Variants in TTC39B observed in about 807,000 individuals in gnomAD.
TTC39B encodes the protein tetratricopeptide repeat protein 39B.
A neutral mutation model predicts 96.6 loss-of-function variants in TTC39B; 92 were observed. The observed-to-expected ratio is 0.95, with a 90% CI of 0.80 to 1.13. TTC39B has a LOEUF of 1.13. Ranked by LOEUF, TTC39B falls within the 50% of genes most tolerant of loss-of-function variation. TTC39B has a pLI of 0.00. For synonymous variants in TTC39B, 367 were observed against 299.4 expected (o/e 1.23, Z -2.33); for missense variants, 955 against 809.3 (o/e 1.18, Z -2.18).
chr9:15,280,970 C>T (rs1470555247), intron 1 of TTC39B, among the ~76,000 whole-genome samples: 1 of 152,100 alleles, frequency 6.6e-6, no homozygotes, highest in Non-Finnish European at 1.5e-5. Context: ...GAAAACAATG[C>T]AATTATCCCA....
intron 1 of TTC39B, among the ~76,000 whole-genome samples, chr9:15,285,758 G>C (rs530808416): frequency 2.0e-5 from 3 of 152,134 alleles, no homozygotes; most frequent in African/African-American, 7.2e-5. Context: ...AGGAGGCTGA[G>C]GCAGGAGAAT....
chr9:15,217,282 A>T (rs1403042677), intron 3 of TTC39B, among the ~76,000 whole-genome samples: 1 of 152,156 alleles, frequency 6.6e-6, no homozygotes, highest in Non-Finnish European at 1.5e-5. Context: ...AATTCTCGCT[A>T]AGGTTACACC....
intron 2 of TTC39B, among the ~76,000 whole-genome samples, chr9:15,263,356 G>T (rs1586976051): frequency 6.6e-6 from 1 of 152,134 alleles, no homozygotes; most frequent in Non-Finnish European, 1.5e-5. Flanking sequence ...TATGAGAGGA[G>T]AAAACAAGCT....
At chr9:15,243,539 T>G (rs1822140140) in intron 2 of TTC39B, among the ~76,000 whole-genome samples, 1 of 152,302 alleles carries the variant, frequency 6.6e-6, no homozygotes, top group Middle Eastern at 3.4e-3. Flanking sequence ...AAAAAGCACT[T>G]TCGTAAGAAC....
chr9:15,192,477 T>C, intron 9 of TTC39B, 113 bp downstream of exon 9: 1 of 771,156 alleles, frequency 1.3e-6, no homozygotes. Context: ...TCTAGCTGTT[T>C]GTCAACCAAC....
At chr9:15,181,206 A>G (rs1168759131) in intron 17 of TTC39B, among the ~76,000 whole-genome samples, 1 of 152,196 alleles carries the variant, frequency 6.6e-6, no homozygotes, top group Non-Finnish European at 1.5e-5. Flanking sequence ...GTTAACAAAA[A>G]TGAGTTAACT....
intron 2 of TTC39B, among the ~76,000 whole-genome samples, chr9:15,254,242 G>A (rs945571110): frequency 6.6e-6 from 1 of 151,086 alleles, no homozygotes; most frequent in East Asian, 1.9e-4. Context: ...TCTCAGAACT[G>A]GGAAATGACC....
chr9:15,296,471 G>A (rs1049573872), intron 1 of TTC39B, among the ~76,000 whole-genome samples: 53 of 152,288 alleles, frequency 3.5e-4, no homozygotes, highest in African/African-American at 1.3e-3. Flanking sequence ...ACAGAAGGGT[G>A]CATGTGTGTC....
At chr9:15,233,922 C>T (rs1586929703) in intron 2 of TTC39B, among the ~76,000 whole-genome samples, 2 of 151,746 alleles carry the variant, frequency 1.3e-5, no homozygotes, top group South Asian at 4.2e-4. Context: ...AGCGCCTCTT[C>T]CCCGCCGCCA....
intron 18 of TTC39B, among the ~76,000 whole-genome samples, chr9:15,175,395 G>A (rs1360152750): frequency 6.6e-6 from 1 of 152,008 alleles, no homozygotes; most frequent in Non-Finnish European, 1.5e-5. Context: ...AGCGCATACG[G>A]ATCTTTAAAG....
At chr9:15,214,356 GTGTGTC>G (rs1161745874) in intron 3 of TTC39B, 107 bp from the exon 4 acceptor site, 378 of 727,558 alleles carry the variant, frequency 5.2e-4, no homozygotes, top group East Asian at 1.6e-3. Context: ...GTCTGTGTGT[GTGTGTC>G]TGTGTGTGTG....
At chr9:15,176,947 G>A (rs1817972856) in intron 18 of TTC39B, among the ~76,000 whole-genome samples, 1 of 152,142 alleles carries the variant, frequency 6.6e-6, no homozygotes, top group South Asian at 2.1e-4. Context: ...TACTGAGGGG[G>A]AATAAAACCA....
intron 13 of TTC39B, 103 bp downstream of exon 13, chr9:15,189,471 C>T: frequency 1.6e-6 from 2 of 1,214,264 alleles, no homozygotes; most frequent in Non-Finnish European, 2.3e-6. Flanking sequence ...TTGTCTAGTC[C>T]ATATAGCCAA....
At position 15,298,080 on chromosome 9, in the gene TTC39B, G is replaced by A. The variant is rs551361883; in HGVS notation, c.240+9004C>T. Among the ~76,000 whole-genome samples, 62 of 152,268 alleles carry A rather than the reference G, an allele frequency of 4.1e-4. 1 individual carries two copies. The South Asian group carries it at 0.012, about 29-fold the overall frequency. On this transcript the variant is annotated intron_variant, in intron 1 of 19. Coordinates refer to ENST00000512701, the Ensembl canonical transcript of TTC39B. The stretch of plus-strand genomic sequence containing the variant: ...GACCCAGATAGAACAAGAAGACAGA[G>A]GAAAGCCAAATTTGCTTTTTCCCTC...
chr9:15,240,257 T>C (rs1821978483), intron 2 of TTC39B, among the ~76,000 whole-genome samples: 1 of 151,888 alleles, frequency 6.6e-6, no homozygotes, highest in African/African-American at 2.4e-5. Flanking sequence ...TTCAACTTTT[T>C]CTCTCCACTC....
chr9:15,191,459 GT>G (rs556448871), intron 9 of TTC39B, among the ~76,000 whole-genome samples: 3 of 152,008 alleles, frequency 2.0e-5, no homozygotes, highest in Admixed American at 6.6e-5. Context: ...CCTTTAAAAA[GT>G]TTTTTTTAAG....
At chr9:15,175,483 G>C (rs1478155163) in intron 18 of TTC39B, among the ~76,000 whole-genome samples, 1 of 151,894 alleles carries the variant, frequency 6.6e-6, no homozygotes, top group South Asian at 2.1e-4. Context: ...AAATAAGAAA[G>C]TTGTATTATT....
exon 20 of TTC39B, chr9:15,164,307 G>C (rs1198406193): frequency 1.3e-5 from 2 of 152,130 alleles, no homozygotes; most frequent in African/African-American, 4.8e-5. Flanking sequence ...GTACATACAG[G>C]TAGCTTTTAT....
At chr9:15,229,290 G>A (rs1363501130) in intron 2 of TTC39B, among the ~76,000 whole-genome samples, 2 of 152,180 alleles carry the variant, frequency 1.3e-5, no homozygotes, top group African/African-American at 4.8e-5. Flanking sequence ...TTGGAAACAA[G>A]GCAAAAGGAA....
Sources: gnomAD v4.1 joint callset for allele counts (sites outside exome capture counted in the v4.1 genomes callset) on GRCh38, gnomAD v4.1.1 for gene constraint, MANE v1.5 for transcripts, NCBI Gene and HGNC (gene_info 2026-07-23, HGNC 2026-07-21) for gene names.